Variants in IL1RAPL2 observed in about 807,000 individuals in gnomAD.
IL1RAPL2 encodes interleukin 1 receptor accessory protein like 2.
A neutral mutation model predicts 44.1 loss-of-function variants in IL1RAPL2; 3 were observed. That is an observed-to-expected ratio of 0.07 (90% CI 0.03 to 0.18). The LOEUF (loss-of-function observed/expected upper bound fraction) is 0.18, where lower values mean the gene tolerates loss of function less well. Among genes scored for constraint, IL1RAPL2 ranks in the 10% least tolerant of loss-of-function variants. IL1RAPL2 has a pLI of 1.00. For missense variants in IL1RAPL2, 391 were observed against 496.4 expected, an observed-to-expected ratio of 0.79 and a Z score of 2.02; for synonymous variants, 181 against 178.8, an observed-to-expected ratio of 1.01 and a Z score of -0.10.
At chrX:104,891,422 T>A (rs1174149023) in intron 2 of IL1RAPL2, among the ~76,000 whole-genome samples, 2 of 112,352 alleles carry the variant, frequency 1.8e-5, no homozygotes. Flanking sequence ...TGATTCTTCC[T>A]ATCCATGAGC....
At chrX:105,079,606 G>T (rs187237315) in intron 2 of IL1RAPL2, among the ~76,000 whole-genome samples, 364 of 108,845 alleles carry the variant, frequency 3.3e-3, no homozygotes, top group Middle Eastern at 9.9e-3. Flanking sequence ...ATCACTGATG[G>T]GCATTTGGGT....
At chrX:105,246,057 A>G (rs1249592691) in intron 4 of IL1RAPL2, among the ~76,000 whole-genome samples, 1 of 112,278 alleles carries the variant, frequency 8.9e-6, no homozygotes, top group Non-Finnish European at 1.9e-5. Context: ...TACTGAACTG[A>G]CCAAAATAAA....
intron 5 of IL1RAPL2, among the ~76,000 whole-genome samples, chrX:105,274,646 A>G (rs2147660147): frequency 8.9e-6 from 1 of 112,282 alleles, no homozygotes; most frequent in East Asian, 2.8e-4. Flanking sequence ...CTGTGAAAAG[A>G]GAGTTATTCA....
chrX:104,730,290 G>A (rs1461438870), intron 2 of IL1RAPL2, among the ~76,000 whole-genome samples: 1 of 105,978 alleles, frequency 9.4e-6, no homozygotes, highest in African/African-American at 3.4e-5. Flanking sequence ...AGTTACATAT[G>A]TATACATGTG....
intron 6 of IL1RAPL2, among the ~76,000 whole-genome samples, chrX:105,559,956 C>T (rs950201484): frequency 8.9e-6 from 1 of 111,867 alleles, no homozygotes; most frequent in Non-Finnish European, 1.9e-5. Flanking sequence ...TTCAACTTTG[C>T]TCTCCATAGG....
intron 2 of IL1RAPL2, among the ~76,000 whole-genome samples, chrX:104,921,180 A>G: frequency 9.0e-6 from 1 of 111,727 alleles, no homozygotes; most frequent in Middle Eastern, 4.6e-3. Flanking sequence ...GAACCCTAGT[A>G]GAGCCCAAAA....
intron 2 of IL1RAPL2, among the ~76,000 whole-genome samples, chrX:104,726,909 T>C (rs1404385809): frequency 9.1e-6 from 1 of 109,593 alleles, no homozygotes; most frequent in Non-Finnish European, 1.9e-5. Context: ...TTTGTCTTTA[T>C]ATGGATTTTC....
At chrX:105,009,190 A>G (rs1273860152) in intron 2 of IL1RAPL2, among the ~76,000 whole-genome samples, 2 of 111,412 alleles carry the variant, frequency 1.8e-5, no homozygotes, top group African/African-American at 6.5e-5. Context: ...AGACAGTGTG[A>G]CGATTCCTCA....
intron 5 of IL1RAPL2, among the ~76,000 whole-genome samples, chrX:105,281,839 A>G (rs1270620868): frequency 2.7e-5 from 3 of 111,551 alleles, no homozygotes; most frequent in African/African-American, 9.8e-5. Context: ...CTATATTATA[A>G]TTAGTATTAT....
intron 5 of IL1RAPL2, among the ~76,000 whole-genome samples, chrX:105,461,041 A>G (rs1029933254): frequency 1.8e-5 from 2 of 111,975 alleles, no homozygotes; most frequent in African/African-American, 6.5e-5. Context: ...CTAGTTTTTT[A>G]TGTAGAAAAT....
intron 3 of IL1RAPL2, among the ~76,000 whole-genome samples, chrX:105,211,025 ACCTCACCCCTC>A (rs782119503): frequency 4.2e-5 from 4 of 94,295 alleles, no homozygotes; most frequent in Non-Finnish European, 6.4e-5. Flanking sequence ...ATCCTCCCCC[ACCTCACCCCTC>A]CCTCTGAAAG....
intron 2 of IL1RAPL2, among the ~76,000 whole-genome samples, chrX:104,747,609 G>A (rs999871941): frequency 1.3e-4 from 14 of 111,166 alleles, no homozygotes; most frequent in African/African-American, 4.6e-4. Context: ...GACAGGAAAT[G>A]CCTCCTGAGG....
At chrX:104,983,488 T>TATTAGATACATAATATTATATAATATTAA (rs2030489372) in intron 2 of IL1RAPL2, among the ~76,000 whole-genome samples, 1 of 98,784 alleles carries the variant, frequency 1.0e-5, no homozygotes, top group Non-Finnish European at 2.0e-5. Flanking sequence ...TATAATATTA[T>TATTAGATACATAATATTATATAATATTAA]ATTAGATACA....
intron 1 of IL1RAPL2, among the ~76,000 whole-genome samples, chrX:104,592,145 A>ATATGTGTG (rs1361322909): frequency 3.3e-5 from 2 of 60,222 alleles, no homozygotes; most frequent in Non-Finnish European, 3.1e-5. Flanking sequence ...ATGCCCGTAT[A>ATATGTGTG]TGTGTGTGTG....
intron 2 of IL1RAPL2, among the ~76,000 whole-genome samples, chrX:104,848,409 G>GTATGTA (rs1556001270): frequency 1.2e-4 from 8 of 64,902 alleles, no homozygotes; most frequent in African/African-American, 3.8e-4. Flanking sequence ...ATTTTTATCT[G>GTATGTA]TATATATATA....
chrX:105,406,979 C>T, intron 5 of IL1RAPL2: 2 of 1,097,588 alleles, frequency 1.8e-6, no homozygotes, highest in Non-Finnish European at 2.5e-6. Flanking sequence ...CTGAGAGGGT[C>T]CAACGTGAAG....
At chrX:105,673,159 T>C (rs1272637671) in intron 6 of IL1RAPL2, among the ~76,000 whole-genome samples, 1 of 111,625 alleles carries the variant, frequency 9.0e-6, no homozygotes, top group African/African-American at 3.3e-5. Flanking sequence ...GCATAAGGCT[T>C]TATTTCTATT....
At chrX:105,299,489 G>A (rs184518117) in intron 5 of IL1RAPL2, among the ~76,000 whole-genome samples, 1 of 111,514 alleles carries the variant, frequency 9.0e-6, no homozygotes, top group East Asian at 2.8e-4. Context: ...GAAGCCATGG[G>A]ACAGCAAGAT....
chrX:105,074,281 C>T lies in IL1RAPL2; in HGVS notation c.83-121194C>T, dbSNP rs760642589. 2.4e-3 allele frequency among the ~76,000 whole-genome samples: 268 copies of T among 111,763 alleles called. 2 individuals are homozygous for T. The highest frequency in any genetic ancestry group is 8.0e-3 in the African/African-American group (247 of 30,780). On this transcript the variant is annotated intron_variant, in intron 2 of 10. Coordinates refer to ENST00000372582, the MANE Select transcript of IL1RAPL2 (RefSeq NM_017416.2). Reference sequence around the variant, plus strand: ...TCATGGCTAGCCCGTTTTCCCAGCACCATTTATTAAATAGGGGATCCTTTC... The same window carrying T: ...TCATGGCTAGCCCGTTTTCCCAGCATCATTTATTAAATAGGGGATCCTTTC...
Sources: allele counts gnomAD v4.1 joint callset (sites outside exome capture counted in the v4.1 genomes callset), GRCh38; gene constraint gnomAD v4.1.1; transcripts MANE v1.5; gene names NCBI Gene and HGNC (gene_info 2026-07-23, HGNC 2026-07-21).